Variants in SMCO4 observed in about 807,000 individuals in gnomAD.
SMCO4 encodes single-pass membrane protein with coiled-coil domains 4, also known as single-pass membrane and coiled-coil domain-containing protein 4.
A neutral mutation model predicts 3.6 loss-of-function variants in SMCO4; 4 were observed. The ratio of observed to expected loss-of-function variants is 1.11; its 90% CI spans 0.54 to 2.53. The LOEUF (loss-of-function observed/expected upper bound fraction) is 2.53, where lower values mean the gene tolerates loss of function less well. SMCO4 is among the 30% of genes most tolerant of loss of function. The probability of loss-of-function intolerance (pLI) is 0.02; values close to 1 mark genes in which losing one functional copy is unlikely to be tolerated. For missense variants in SMCO4, 70 were observed against 80.8 expected (o/e 0.87, Z 0.51); for synonymous variants, 36 against 35.3 (o/e 1.02, Z -0.07).
At chr11:93,525,475 G>A (rs1468621301) in intron 1 of SMCO4, among the ~76,000 whole-genome samples, 3 of 152,146 alleles carry the variant, frequency 2.0e-5, no homozygotes, top group African/African-American at 7.2e-5. Context: ...CATAGAGTTA[G>A]TGAGGATCAG....
intron 1 of SMCO4, among the ~76,000 whole-genome samples, chr11:93,515,875 T>C (rs1367608792): frequency 6.6e-6 from 1 of 152,168 alleles, no homozygotes; most frequent in Non-Finnish European, 1.5e-5. Flanking sequence ...AGCAGCTCTG[T>C]CCAAAGACAC....
intron 1 of SMCO4, among the ~76,000 whole-genome samples, chr11:93,527,356 TGTAA>T (rs1458824269): frequency 1.3e-5 from 2 of 152,186 alleles, no homozygotes; most frequent in Non-Finnish European, 2.9e-5. Flanking sequence ...GCTTTGTTTC[TGTAA>T]GTCTCAGCGT....
chr11:93,481,634 G>C, intron 2 of SMCO4: 1 of 508,774 alleles, frequency 2.0e-6, no homozygotes, highest in Non-Finnish European at 2.5e-6. Flanking sequence ...CTTGCCAACA[G>C]TCACCCAGTT....
chr11:93,547,546 GTC>G (rs1368735401), upstream of SMCO4, among the ~76,000 whole-genome samples: 6 of 151,934 alleles, frequency 3.9e-5, no homozygotes, highest in Non-Finnish European at 7.4e-5. Flanking sequence ...ATGTGTTTGT[GTC>G]TCTCGAATTC....
intron 1 of SMCO4, among the ~76,000 whole-genome samples, chr11:93,541,930 A>G (rs1403879593): frequency 6.6e-6 from 1 of 152,166 alleles, no homozygotes; most frequent in Admixed American, 6.5e-5. Flanking sequence ...TTTATACCCC[A>G]TGTGACAGAT....
intron 2 of SMCO4, among the ~76,000 whole-genome samples, chr11:93,498,658 T>C (rs1454310723): frequency 1.3e-5 from 2 of 152,188 alleles, no homozygotes; most frequent in Non-Finnish European, 2.9e-5. Flanking sequence ...ATTTCACCAA[T>C]AGCCAAAGGA....
chr11:93,531,537 T>C (rs1949162527), intron 1 of SMCO4, among the ~76,000 whole-genome samples: 1 of 152,204 alleles, frequency 6.6e-6, no homozygotes, highest in African/African-American at 2.4e-5. Flanking sequence ...CACCTTATAA[T>C]GAATCTCTTT....
intron 2 of SMCO4, among the ~76,000 whole-genome samples, chr11:93,482,927 G>A (rs76959632): frequency 0.012 from 1,766 of 152,256 alleles, 42 homozygotes; most frequent in African/African-American, 0.041. Context: ...AATAATAAGC[G>A]AAACTAGAGA....
chr11:93,497,592 A>C (rs1356162295), intron 2 of SMCO4, among the ~76,000 whole-genome samples: 2 of 151,938 alleles, frequency 1.3e-5, no homozygotes, highest in African/African-American at 4.8e-5. Context: ...CTGAGGGTAG[A>C]GACGGTTCTG....
At chr11:93,527,335 T>C (rs1442303856) in intron 1 of SMCO4, among the ~76,000 whole-genome samples, 1 of 152,122 alleles carries the variant, frequency 6.6e-6, no homozygotes. Flanking sequence ...CTCTGTGACT[T>C]TGGGCAGGTA....
intron 2 of SMCO4, among the ~76,000 whole-genome samples, chr11:93,481,872 CT>C (rs1284361814): frequency 3.3e-5 from 5 of 152,232 alleles, no homozygotes; most frequent in Non-Finnish European, 7.3e-5. Context: ...CACCCCAGGC[CT>C]GGGGCTAGCC....
intron 1 of SMCO4, among the ~76,000 whole-genome samples, chr11:93,520,602 G>A (rs1949048416): frequency 6.6e-6 from 1 of 152,162 alleles, no homozygotes; most frequent in South Asian, 2.1e-4. Flanking sequence ...TTCAACTAAA[G>A]TATAAACCAG....
chr11:93,544,476 C>G (rs1309768676), upstream of SMCO4, among the ~76,000 whole-genome samples: 3 of 152,104 alleles, frequency 2.0e-5, no homozygotes, highest in East Asian at 5.8e-4. Context: ...AATTGTGGAA[C>G]CCACTCTTCT....
chr11:93,509,854 A>G (rs1282329693), intron 1 of SMCO4, among the ~76,000 whole-genome samples: 2 of 152,146 alleles, frequency 1.3e-5, no homozygotes, highest in Admixed American at 6.5e-5. Flanking sequence ...GGATAAAAGG[A>G]TACACACTGA....
upstream of SMCO4, among the ~76,000 whole-genome samples, chr11:93,543,945 T>C (rs1413373351): frequency 6.6e-6 from 1 of 152,208 alleles, no homozygotes; most frequent in Non-Finnish European, 1.5e-5. Context: ...TACACGTGCA[T>C]ATGTGTGCGC....
chr11:93,483,327 G>A (rs972099600), intron 2 of SMCO4, among the ~76,000 whole-genome samples: 2 of 152,190 alleles, frequency 1.3e-5, no homozygotes, highest in African/African-American at 2.4e-5. Flanking sequence ...TGGGCCCAGG[G>A]GCTGCACCGG....
chr11:93,510,227 G>A lies in SMCO4; in HGVS notation c.-153-10879C>T, dbSNP rs61918469. Among the ~76,000 whole-genome samples the A allele has an allele frequency of 4.7e-3, 709 of 152,320 alleles. 4 individuals carry two copies. Among genetic ancestry groups the A allele is most frequent in the Middle Eastern group, 0.037 (11 of 294 alleles). On this transcript the variant is annotated intron_variant, in intron 1 of 2. Transcript: ENST00000298966. ...TAGTATCACCCTAGTTATGACCGCA[G>A]GGCCAAAGTGGGACCTACAGTTGTC...
chr11:93,519,153 C>G (rs545153007), intron 1 of SMCO4, among the ~76,000 whole-genome samples: 1 of 152,264 alleles, frequency 6.6e-6, no homozygotes, highest in South Asian at 2.1e-4. Context: ...ATGCCCTTGT[C>G]CTGCATCTGG....
rs1307422693 is a variant in SMCO4 at position 93,534,203 on chromosome 11, A to AT, written c.-154+9072_-154+9073insA. Among the ~76,000 whole-genome samples the AT allele has an allele frequency of 2.2e-3, 258 of 116,608 alleles. 14 individuals carry two copies. Among genetic ancestry groups the AT allele is most frequent in the African/African-American group, 7.8e-3 (236 of 30,176 alleles). The allele number at this position is 116,608 out of a possible 152,430, so 76.5% of individuals were successfully genotyped here. A position where few individuals can be genotyped will look rare whatever the true frequency, so the allele number is the denominator to read the frequency against. ...GAGACTCCGTCTCAAAAAAAAAAAA[A>AT]AAATATATATATACACACACACACA... On this transcript the variant is annotated intron_variant, in intron 1 of 2. Transcript: ENST00000298966.
Sources: gnomAD v4.1 joint callset for allele counts (sites outside exome capture counted in the v4.1 genomes callset) on GRCh38, gnomAD v4.1.1 for gene constraint, MANE v1.5 for transcripts, NCBI Gene and HGNC (gene_info 2026-07-23, HGNC 2026-07-21) for gene names.